Variants in MEI1 observed in about 807,000 individuals in gnomAD.
The protein encoded by MEI1 is meiosis inhibitor protein 1.
MEI1 carries 103 observed loss-of-function variants against 146.2 expected under a neutral mutation model. The ratio of observed to expected loss-of-function variants is 0.70; its 90% CI spans 0.60 to 0.83. The LOEUF is 0.83. MEI1 is among the 40% of genes least tolerant of loss of function. The pLI is 0.00. For missense variants in MEI1, 1,529 were observed against 1,533.0 expected, an observed-to-expected ratio of 1.00 and a Z score of 0.04; for synonymous variants, 652 against 628.2, an observed-to-expected ratio of 1.04 and a Z score of -0.57.
At chr22:41,750,582 G>A (rs891048701) in intron 15 of MEI1, among the ~76,000 whole-genome samples, 2 of 152,100 alleles carry the variant, frequency 1.3e-5, no homozygotes, top group African/African-American at 2.4e-5. Flanking sequence ...ATGGGGGTGT[G>A]AGTAGAGGGG....
intron 12 of MEI1, among the ~76,000 whole-genome samples, chr22:41,743,861 C>G (rs1465832940): frequency 6.6e-6 from 1 of 152,014 alleles, no homozygotes; most frequent in Non-Finnish European, 1.5e-5. Flanking sequence ...AGGTTAGGGT[C>G]CCTCCAACAC....
intron 27 of MEI1, 140 bp downstream of exon 27, chr22:41,794,050 G>A: frequency 1.2e-6 from 1 of 829,954 alleles, no homozygotes; most frequent in Non-Finnish European, 1.9e-6. Flanking sequence ...GCACTGCAAG[G>A]GCAGTCATGC....
chr22:41,736,040 C>A (rs138051490), intron 11 of MEI1, among the ~76,000 whole-genome samples: 1,537 of 152,206 alleles, frequency 0.01, 17 homozygotes, highest in Middle Eastern at 0.017. Flanking sequence ...GAAATGAAAT[C>A]AAGGTGTCAG....
chr22:41,741,263 G>C (rs564648101), intron 11 of MEI1, among the ~76,000 whole-genome samples: 1 of 152,334 alleles, frequency 6.6e-6, no homozygotes, highest in East Asian at 1.9e-4. Context: ...CTAGCCTCCA[G>C]AACTGTGAGA....
chr22:41,736,423 T>C (rs1569213649), intron 11 of MEI1, among the ~76,000 whole-genome samples: 1 of 151,856 alleles, frequency 6.6e-6, no homozygotes, highest in Non-Finnish European at 1.5e-5. Context: ...CTAATTTTGT[T>C]TTTGTATTTT....
chr22:41,798,673 G>A (rs947183853), intron 30 of MEI1, among the ~76,000 whole-genome samples: 6 of 151,940 alleles, frequency 3.9e-5, no homozygotes, highest in Admixed American at 1.3e-4. Context: ...TCTGAGACGA[G>A]CCTGGCCTAC....
At chr22:41,737,554 G>GA (rs2072487902) in intron 11 of MEI1, among the ~76,000 whole-genome samples, 3 of 145,914 alleles carry the variant, frequency 2.1e-5, no homozygotes, top group Non-Finnish European at 4.5e-5. Context: ...TTTTCTGGGG[G>GA]GTGAGGGGTC....
At chr22:41,754,782 G>A (rs2073987493) in intron 17 of MEI1, among the ~76,000 whole-genome samples, 1 of 152,184 alleles carries the variant, frequency 6.6e-6, no homozygotes, top group Non-Finnish European at 1.5e-5. Flanking sequence ...CCAGGTGCTG[G>A]TGAAAGAGCC....
Position 41,770,924 on chromosome 22 carries a change from T to G in MEI1, c.2507T>G (p.Leu836Trp), listed in dbSNP as rs1438239322. The G allele has an allele frequency of 5.0e-6, 8 of 1,614,030 alleles. No individual in the cohort carries two copies. Among genetic ancestry groups the G allele is most frequent in the Non-Finnish European group, 6.8e-6 (8 of 1,179,894 alleles). ...GCCAGCTTAGTAGTCCTGTTCCAGT[T>G]GCTCAGAAGCATCCCCAGCATCCTG... ...LPASLVVLFQ[L>W]LRSIPSILLI... is the part of the protein sequence containing the mutation. The change falls in exon 20 of 31, where the codon TTG (leucine) becomes TGG (tryptophan). Residue 836 changes from leucine (L) to tryptophan (W), a missense_variant. Leu to Trp is a moderately conservative substitution (Grantham distance 61). This residue lies in a region of MEI1 where 1,212 missense variants were observed against 1,178.9 expected (regional missense o/e 1.03). Transcript: ENST00000401548.
At position 41,718,121 on chromosome 22, in the gene MEI1, A is replaced by G. The variant is rs368900227; in HGVS notation, c.580A>G (p.Ile194Val). ...AGGCTTAGTATACCCCAGTGAGGGC[A>G]TACAAGCTTCTGTCTGTTACCTTTA... ...LRGLVYPSEG[I>V]QASVCYLYGK... Residue 194 changes from isoleucine to valine, a missense_variant, in exon 6 of 31, where the codon ATA becomes GTA. Coordinates refer to ENST00000401548, the MANE Select transcript of MEI1 (RefSeq NM_152513.4). 53 of 1,613,544 alleles carry G rather than the reference A, an allele frequency of 3.3e-5. No individual in the cohort carries two copies. Among genetic ancestry groups the G allele is most frequent in the Non-Finnish European group, 4.2e-5 (50 of 1,179,898 alleles).
chr22:41,705,692 C>A (rs2069035057), intron 3 of MEI1, 138 bp downstream of exon 3: 44 of 588,526 alleles, frequency 7.5e-5, no homozygotes, highest in Non-Finnish European at 1.0e-4. Flanking sequence ...ATCACTAATT[C>A]AACATTTGTT....
intron 20 of MEI1, among the ~76,000 whole-genome samples, chr22:41,771,639 AG>A (rs1189211357): frequency 6.6e-6 from 1 of 151,786 alleles, no homozygotes; most frequent in Non-Finnish European, 1.5e-5. Context: ...GGGTTTCACC[AG>A]GTTGCCCAGG....
In MEI1 at chr22:41,795,178, C is replaced by T. The variant is rs1277848250; in HGVS notation, c.3535-233C>T. On this transcript the variant is annotated intron_variant, in intron 28 of 30. Coordinates refer to ENST00000401548, the MANE Select transcript of MEI1 (RefSeq NM_152513.4). The surrounding 1 kb of genome is among the most constrained non-coding windows in gnomAD (Gnocchi z 4.2). ...AGTGCAAGGTTGGGTAGGAGGGAGC[C>T]AAGGCCAAAGGGGTCAGGAGGGCCA... is the stretch of plus-strand genomic sequence containing the variant. Among the ~76,000 whole-genome samples the T allele has an allele frequency of 6.6e-6, 1 of 152,124 alleles. No individual in the cohort carries two copies. The highest frequency in any genetic ancestry group is 1.5e-5 in the Non-Finnish European group (1 of 68,026).
chr22:41,777,151 A>G (rs1191497273), intron 21 of MEI1, among the ~76,000 whole-genome samples: 2 of 122,654 alleles, frequency 1.6e-5, no homozygotes, highest in African/African-American at 6.2e-5. Context: ...GCTGAATTTT[A>G]AAAATAATTT....
intron 19 of MEI1, among the ~76,000 whole-genome samples, chr22:41,766,603 G>A (rs1278411426): frequency 1.2e-4 from 18 of 152,146 alleles, no homozygotes; most frequent in Non-Finnish European, 2.6e-4. Flanking sequence ...CTGGAGTGCA[G>A]TGGTGTGATC....
chr22:41,706,570 T>G (rs2069110914), intron 3 of MEI1, among the ~76,000 whole-genome samples: 1 of 152,060 alleles, frequency 6.6e-6, no homozygotes, highest in African/African-American at 2.4e-5. Flanking sequence ...TGAAGTGGAC[T>G]GAGCATGGTA....
chr22:41,723,887 A>T, intron 6 of MEI1, 56 bp from the exon 7 acceptor site: 1 of 1,548,118 alleles, frequency 6.5e-7, no homozygotes, highest in Non-Finnish European at 8.7e-7. Flanking sequence ...CTATCTTGGG[A>T]GTACTCTGGT....
intron 3 of MEI1, among the ~76,000 whole-genome samples, chr22:41,710,740 A>G (rs2069476774): frequency 1.3e-5 from 2 of 152,204 alleles, no homozygotes; most frequent in Non-Finnish European, 1.5e-5. Context: ...CCATTCTGTA[A>G]GCTTACAAAT....
chr22:41,752,105 C>T (rs1371504386), intron 15 of MEI1, among the ~76,000 whole-genome samples: 3 of 151,832 alleles, frequency 2.0e-5, no homozygotes, highest in Non-Finnish European at 2.9e-5. Context: ...TGTTATTGGA[C>T]CTCTGTTCTG....
Sources: gnomAD v4.1 joint callset for allele counts (sites outside exome capture counted in the v4.1 genomes callset) on GRCh38, gnomAD v4.1.1 for gene constraint, gnomAD v4.1.1 regional missense constraint, Gnocchi (gnomAD v3.1) non-coding constraint, MANE v1.5 for transcripts, NCBI Gene and HGNC (gene_info 2026-07-23, HGNC 2026-07-21) for gene names.